The following TG variants were observed in gnomAD, a reference collection of about 807,000 sequenced individuals.
TG encodes thyroid hormones.
Under a neutral mutation model 324.7 loss-of-function variants are expected in TG, and 270 were observed. That is an observed-to-expected ratio of 0.83 (90% CI 0.75 to 0.92). The LOEUF (loss-of-function observed/expected upper bound fraction) is 0.92. Among genes scored for constraint, TG ranks in the 40% least tolerant of loss-of-function variants. The pLI, the probability that TG is intolerant of heterozygous loss-of-function variation, is 0.00. For missense variants in TG, 3,591 were observed against 3,456.4 expected (o/e 1.04, Z -0.98); for synonymous variants, 1,401 against 1,327.0 (o/e 1.06, Z -1.21).
intron 41 of TG, chr8:133,060,439 G>T (rs1842207610): frequency 7.2e-7 from 1 of 1,395,814 alleles, no homozygotes; most frequent in Non-Finnish European, 9.5e-7. Flanking sequence ...AATGCTGTTG[G>T]TGGCAAAAGT....
chr8:133,092,003 C>T (rs1254004884), intron 41 of TG, among the ~76,000 whole-genome samples: 1 of 152,064 alleles, frequency 6.6e-6, no homozygotes, highest in Non-Finnish European at 1.5e-5. Flanking sequence ...CTGTGTGTGT[C>T]CTTAACCCAC....
intron 25 of TG, among the ~76,000 whole-genome samples, chr8:132,938,038 C>T (rs573968797): frequency 2.6e-5 from 4 of 152,186 alleles, no homozygotes; most frequent in East Asian, 1.9e-4. Flanking sequence ...TTCCAACTCC[C>T]GCCTCCCTCT....
At chr8:132,907,956 C>T (rs544001486) in intron 17 of TG, among the ~76,000 whole-genome samples, 2 of 152,208 alleles carry the variant, frequency 1.3e-5, no homozygotes, top group Non-Finnish European at 2.9e-5. Flanking sequence ...TATAAAGCAC[C>T]CTGGTTTGGA....
rs777818583 is a variant in TG, at chr8:132,901,532, G to A, written c.3613G>A (p.Gly1205Arg). 13 of 1,613,312 alleles carry A rather than the reference G, an allele frequency of 8.1e-6. No individual in the cohort carries two copies. The highest frequency in any genetic ancestry group is 5.0e-5 in the Admixed American group (3 of 60,024). Residue 1205 changes from glycine (G) to arginine (R), a missense_variant, in exon 16 of 48, where the codon GGG (glycine) becomes AGG (arginine). Coordinates refer to ENST00000220616, the MANE Select transcript of TG (RefSeq NM_003235.5). Reference sequence around the variant, plus strand: ...AGAGGTGCCTGGGACGCGCGTGACCGGGGGCCAGCCCGCCTGTGAGAGTAA... The same window carrying A: ...AGAGGTGCCTGGGACGCGCGTGACCAGGGGCCAGCCCGCCTGTGAGAGTAA... ...GEEVPGTRVT[G>R]GQPACESPRC... is the part of the protein sequence containing the mutation.
chr8:132,958,913 C>T (rs1031737252), intron 27 of TG, among the ~76,000 whole-genome samples: 3 of 152,052 alleles, frequency 2.0e-5, no homozygotes, highest in African/African-American at 7.3e-5. Context: ...GTGTGGAGGA[C>T]AAGGAGGACA....
At chr8:132,919,801 A>C (rs1274259710) in intron 21 of TG, among the ~76,000 whole-genome samples, 1 of 152,184 alleles carries the variant, frequency 6.6e-6, no homozygotes, top group African/African-American at 2.4e-5. Context: ...TGTGAGAACT[A>C]TTGGGTACAC....
intron 41 of TG, among the ~76,000 whole-genome samples, chr8:133,070,189 C>T (rs1465817119): frequency 6.6e-6 from 1 of 151,936 alleles, no homozygotes. Flanking sequence ...GTAAATACTC[C>T]CACCATGCTG....
chr8:132,911,663 T>G, intron 19 of TG, 130 bp downstream of exon 19: 1 of 765,908 alleles, frequency 1.3e-6, no homozygotes. Context: ...GGAGAGCTAA[T>G]TATTTAAAAA....
intron 5 of TG, among the ~76,000 whole-genome samples, chr8:132,873,615 G>T (rs1839700421): frequency 6.6e-6 from 1 of 152,150 alleles, no homozygotes; most frequent in Non-Finnish European, 1.5e-5. Context: ...CGTTAGAGCT[G>T]CTAGAACATT....
At chr8:133,090,651 G>T (rs1225503460) in intron 41 of TG, among the ~76,000 whole-genome samples, 1 of 152,202 alleles carries the variant, frequency 6.6e-6, no homozygotes, top group African/African-American at 2.4e-5. Flanking sequence ...CCAACTTTGA[G>T]TGCAAATTAC....
chr8:132,957,013 G>T (rs907484530), intron 27 of TG, among the ~76,000 whole-genome samples: 3 of 152,168 alleles, frequency 2.0e-5, no homozygotes, highest in African/African-American at 7.2e-5. Context: ...GTGAGTTTGG[G>T]TGTAGGGATG....
At chr8:133,032,974 A>C (rs1374273230) in intron 41 of TG, among the ~76,000 whole-genome samples, 2 of 152,204 alleles carry the variant, frequency 1.3e-5, no homozygotes, top group African/African-American at 4.8e-5. Context: ...GCAAGGAAGA[A>C]GCTGTGTTAA....
At chr8:133,019,078 T>C (rs572705606) in intron 38 of TG, among the ~76,000 whole-genome samples, 1 of 152,312 alleles carries the variant, frequency 6.6e-6, no homozygotes, top group East Asian at 1.9e-4. Context: ...CTTGGGTCAT[T>C]GTAGTCCAGG....
At chr8:133,106,059 G>T (rs1482096648) in intron 43 of TG, among the ~76,000 whole-genome samples, 1 of 152,154 alleles carries the variant, frequency 6.6e-6, no homozygotes, top group Non-Finnish European at 1.5e-5. Flanking sequence ...GGACTGCCAG[G>T]CAGGCACTTT....
intron 29 of TG, among the ~76,000 whole-genome samples, chr8:132,964,140 G>A (rs780295512): frequency 7.2e-5 from 11 of 152,024 alleles, no homozygotes; most frequent in Non-Finnish European, 1.5e-4. Context: ...ATGTAAATGT[G>A]TGTGAGTTAG....
At position 132,961,408 on chromosome 8, in the gene TG, A is replaced by G. The variant is rs576331722; in HGVS notation, c.5467+335A>G. The stretch of plus-strand genomic sequence containing the variant: ...GCACAGGAGGCATTTGTCCAAGTGG[A>G]CTCAGCCCCATGTGCCTTTCACCCT... On this transcript the variant is annotated intron_variant, in intron 28 of 47. Transcript: ENST00000220616. 2.6e-5 allele frequency among the ~76,000 whole-genome samples: 4 copies of G among 152,224 alleles called. No individual in the cohort carries two copies. In the South Asian group the frequency reaches 8.3e-4, roughly 32 times the overall value.
intron 25 of TG, among the ~76,000 whole-genome samples, chr8:132,940,473 G>A (rs143728253): frequency 6.6e-6 from 1 of 152,236 alleles, no homozygotes; most frequent in African/African-American, 2.4e-5. Flanking sequence ...GCCACTTTTA[G>A]GTAGACCAAT....
At chr8:132,970,374 A>G (rs1350524879) in intron 32 of TG, among the ~76,000 whole-genome samples, 1 of 152,052 alleles carries the variant, frequency 6.6e-6, no homozygotes, top group Admixed American at 6.5e-5. Context: ...ACAGATCTGT[A>G]TTCTTGGGTC....
chr8:132,995,472 G>C (rs1832782465), intron 35 of TG: 43 of 985,218 alleles, frequency 4.4e-5, no homozygotes, highest in Non-Finnish European at 5.2e-5. Context: ...CCCTTGTTCA[G>C]CACCCCAAAG....
Sources: gnomAD v4.1 joint callset for allele counts (sites outside exome capture counted in the v4.1 genomes callset) on GRCh38, gnomAD v4.1.1 for gene constraint, MANE v1.5 for transcripts, NCBI Gene and HGNC (gene_info 2026-07-23, HGNC 2026-07-21) for gene names.